The following RNF214 variants were observed in gnomAD, a reference collection of about 807,000 sequenced individuals.
RNF214 encodes the protein ring finger protein 214.
A neutral mutation model predicts 75.9 loss-of-function variants in RNF214; 25 were observed. The observed-to-expected ratio is 0.33, with a 90% CI of 0.24 to 0.46. The LOEUF is 0.46. Among genes scored for constraint, RNF214 ranks in the 20% least tolerant of loss-of-function variants. The probability of loss-of-function intolerance (pLI) is 1.00; values close to 1 mark genes in which losing one functional copy is unlikely to be tolerated. For missense variants in RNF214, 725 were observed against 857.5 expected (o/e 0.85, Z 1.93); for synonymous variants, 314 against 308.8 (o/e 1.02, Z -0.18).
intron 6 of RNF214, among the ~76,000 whole-genome samples, chr11:117,263,463 A>G (rs2033722044): frequency 6.6e-6 from 1 of 151,768 alleles, no homozygotes. Flanking sequence ...TTTAGTAGAG[A>G]TGGGGTTTCA....
At chr11:117,253,723 G>A (rs1448147404) in intron 6 of RNF214, among the ~76,000 whole-genome samples, 1 of 152,104 alleles carries the variant, frequency 6.6e-6, no homozygotes, top group Non-Finnish European at 1.5e-5. Flanking sequence ...CAAGACAACG[G>A]TGACTCATTG....
intron 6 of RNF214, among the ~76,000 whole-genome samples, chr11:117,272,795 T>C (rs2033939969): frequency 6.6e-6 from 1 of 152,056 alleles, no homozygotes; most frequent in African/African-American, 2.4e-5. Context: ...CTAAAAATTA[T>C]CCATGTGGGT....
chr11:117,250,258 A>G (rs913933335), intron 6 of RNF214, among the ~76,000 whole-genome samples: 3 of 152,370 alleles, frequency 2.0e-5, no homozygotes, highest in Admixed American at 6.5e-5. Context: ...AATGAAATGC[A>G]TGATCCTTGG....
intron 4 of RNF214, among the ~76,000 whole-genome samples, chr11:117,240,253 C>T (rs1454765439): frequency 6.6e-6 from 1 of 151,214 alleles, no homozygotes; most frequent in African/African-American, 2.4e-5. Context: ...CTCAGGAGTC[C>T]TAGCTACTCA....
intron 6 of RNF214, among the ~76,000 whole-genome samples, chr11:117,278,244 C>G (rs2034055591): frequency 1.3e-5 from 2 of 152,154 alleles, no homozygotes; most frequent in South Asian, 4.1e-4. Flanking sequence ...GCGGAGGATG[C>G]CATGAGCCAA....
Position 117,283,555 on chromosome 11 carries a change from T to G in RNF214, c.2046+345T>G, listed in dbSNP as rs555151441. Among the ~76,000 whole-genome samples, 17 of 152,190 alleles carry G rather than the reference T, an allele frequency of 1.1e-4. No homozygotes were observed. In the South Asian group the frequency reaches 3.5e-3, roughly 32 times the overall value. ...TTTGTATTTTTAGTAGAGACAGGGT[T>G]TCACCATATTGGCCAGGCTGGTCTC... On this transcript the variant is annotated intron_variant, in intron 14 of 14. Transcript: ENST00000300650.
Position 117,240,356 on chromosome 11 carries a change from C to CT in RNF214, c.678+496_678+497insT, listed in dbSNP as rs891210987. 5.4e-5 allele frequency among the ~76,000 whole-genome samples: 7 copies of CT among 130,476 alleles called. No homozygotes were observed. In the Admixed American group the frequency reaches 6.2e-4, roughly 12 times the overall value. 85.6% of individuals were successfully genotyped at this position (130,476 alleles called of 152,430 possible). A position where few individuals can be genotyped will look rare whatever the true frequency, so the allele number is the denominator to read the frequency against. On this transcript the variant is annotated intron_variant, in intron 4 of 14. Coordinates refer to ENST00000300650, the MANE Select transcript of RNF214 (RefSeq NM_207343.4). ...TGCGATTGTACTGCAGCCTGGGTGA[C>CT]AGAGTGAGACCCTGTCTCAAAAAAA...
intron 6 of RNF214, among the ~76,000 whole-genome samples, chr11:117,252,483 T>C (rs971257320): frequency 2.0e-5 from 3 of 152,350 alleles, no homozygotes; most frequent in African/African-American, 7.2e-5. Flanking sequence ...TTCTGCCTTC[T>C]TTGCAAAATT....
At chr11:117,234,425 T>G (rs2032843784) in intron 2 of RNF214, 46 bp downstream of exon 2, 2 of 1,351,930 alleles carry the variant, frequency 1.5e-6, no homozygotes, top group Non-Finnish European at 2.1e-6. Context: ...GGGTAAAGGG[T>G]TTTTGAGATG....
intron 14 of RNF214, among the ~76,000 whole-genome samples, chr11:117,283,636 G>A (rs930544872): frequency 6.6e-6 from 1 of 151,584 alleles, no homozygotes; most frequent in Admixed American, 6.6e-5. Context: ...TGGGAGTACA[G>A]GCGTGAGCCA....
At chr11:117,264,486 G>A (rs2033751041) in intron 6 of RNF214, among the ~76,000 whole-genome samples, 1 of 152,118 alleles carries the variant, frequency 6.6e-6, no homozygotes, top group South Asian at 2.1e-4. Flanking sequence ...ACCTAAAGTT[G>A]TATTTTGGAT....
intron 6 of RNF214, among the ~76,000 whole-genome samples, chr11:117,274,661 GC>G (rs1354377626): frequency 7.2e-6 from 1 of 139,848 alleles, no homozygotes; most frequent in African/African-American, 2.7e-5. Context: ...GAGCGACCGT[GC>G]CCAGCCATGG....
At chr11:117,248,017 G>A (rs1027874820) in intron 6 of RNF214, among the ~76,000 whole-genome samples, 3 of 152,134 alleles carry the variant, frequency 2.0e-5, no homozygotes, top group African/African-American at 7.2e-5. Flanking sequence ...CCTTTTCTGG[G>A]TACTGCAGAA....
At chr11:117,278,937 ATAAG>A (rs961432286) in intron 6 of RNF214, among the ~76,000 whole-genome samples, 2 of 152,148 alleles carry the variant, frequency 1.3e-5, no homozygotes, top group Non-Finnish European at 2.9e-5. Flanking sequence ...ACAAAAAATA[ATAAG>A]TAAGCATCAG....
rs1465109725 is a variant in RNF214 at position 117,246,955 on chromosome 11, G to A, written c.959+7G>A. On this transcript the variant is annotated splice_region_variant and intron_variant, in intron 6 of 14. Transcript: ENST00000300650. The stretch of plus-strand genomic sequence containing the variant: ...TTTGTGAGAAGGGCAGAAGGTAACT[G>A]ATGTTAAGAATAAAAACCCTGTGTG... 6.3e-7 allele frequency: 1 copy of A among 1,598,586 alleles called. No homozygotes were observed. The highest frequency in any genetic ancestry group is 2.2e-5 in the East Asian group (1 of 44,792).
At chr11:117,234,590 G>C (rs1433219055) in intron 2 of RNF214, among the ~76,000 whole-genome samples, 1 of 152,200 alleles carries the variant, frequency 6.6e-6, no homozygotes, top group Non-Finnish European at 1.5e-5. Context: ...AAATAGAATA[G>C]AATACATGGG....
chr11:117,258,718 T>C (rs1451123808), intron 6 of RNF214, among the ~76,000 whole-genome samples: 1 of 152,108 alleles, frequency 6.6e-6, no homozygotes, highest in Admixed American at 6.6e-5. Context: ...ATATATAAAA[T>C]ACATTACTGT....
intron 6 of RNF214, among the ~76,000 whole-genome samples, chr11:117,264,322 C>CA (rs1441288228): frequency 4.9e-4 from 71 of 144,340 alleles, no homozygotes; most frequent in African/African-American, 7.6e-4. Context: ...GACTCCATCT[C>CA]AAAAAAAAAA....
intron 6 of RNF214, among the ~76,000 whole-genome samples, chr11:117,259,491 C>T (rs192573742): frequency 6.6e-6 from 1 of 152,250 alleles, no homozygotes; most frequent in East Asian, 1.9e-4. Context: ...AAGAAATGGC[C>T]AGATATGCTT....
Sources: allele counts gnomAD v4.1 joint callset (sites outside exome capture counted in the v4.1 genomes callset), GRCh38; gene constraint gnomAD v4.1.1; transcripts MANE v1.5; gene names NCBI Gene and HGNC (gene_info 2026-07-23, HGNC 2026-07-21).